SYNE1: variants seen among roughly 807,000 people sequenced by gnomAD.
SYNE1 encodes the protein nesprin-1.
SYNE1 carries 616 observed loss-of-function variants against 1,111.0 expected under a neutral mutation model. The ratio of observed to expected loss-of-function variants is 0.55; its 90% confidence interval spans 0.52 to 0.59. The LOEUF is 0.59. SYNE1 is among the 20% of genes least tolerant of loss of function. The probability of loss-of-function intolerance (pLI) is 0.00; values close to 1 mark genes in which losing one functional copy is unlikely to be tolerated. For missense variants in SYNE1, 10,006 were observed against 10,417.0 expected, an observed-to-expected ratio of 0.96 and a Z score of 1.72; for synonymous variants, 3,855 against 3,825.8, an observed-to-expected ratio of 1.01 and a Z score of -0.28.
At chr6:152,363,861 G>C (rs545962995) in intron 63 of SYNE1, 2 of 436,876 alleles carry the variant, frequency 4.6e-6, no homozygotes, top group East Asian at 1.5e-4. Context: ...TGGGATAACT[G>C]GGGCTCACAC....
At chr6:152,282,063 C>G in intron 96 of SYNE1, 83 bp from the exon 97 acceptor site, 1 of 1,433,336 alleles carries the variant, frequency 7.0e-7, no homozygotes, top group Non-Finnish European at 9.7e-7. Flanking sequence ...TGGTTCCAGG[C>G]CCTGGCTGTA....
At chr6:152,562,100 A>T (rs567426470) in intron 3 of SYNE1, among the ~76,000 whole-genome samples, 2 of 152,202 alleles carry the variant, frequency 1.3e-5, no homozygotes, top group Non-Finnish European at 2.9e-5. Context: ...CAGCAAAGGG[A>T]ACATCAACAG....
At chr6:152,471,540 C>T in intron 16 of SYNE1, 57 bp downstream of exon 16, 2 of 1,525,862 alleles carry the variant, frequency 1.3e-6, no homozygotes, top group Non-Finnish European at 1.8e-6. Flanking sequence ...AGAAACTGAA[C>T]TGTGTTGCTA....
At chr6:152,304,078 G>A (rs1287053963) in intron 91 of SYNE1, among the ~76,000 whole-genome samples, 1 of 152,218 alleles carries the variant, frequency 6.6e-6, no homozygotes, top group Admixed American at 6.5e-5. Context: ...TTAAAAAGTA[G>A]ACATCATTGC....
chr6:152,261,674 A>C (rs760507882), intron 101 of SYNE1, among the ~76,000 whole-genome samples: 1 of 152,214 alleles, frequency 6.6e-6, no homozygotes, highest in Non-Finnish European at 1.5e-5. Context: ...ATTTGTGGAA[A>C]TCCTTCTGTC....
At chr6:152,575,996 A>G (rs1477597086) in intron 3 of SYNE1, among the ~76,000 whole-genome samples, 1 of 152,266 alleles carries the variant, frequency 6.6e-6, no homozygotes, top group African/African-American at 2.4e-5. Flanking sequence ...CTGCCAAATA[A>G]GAACAAAGTG....
intron 72 of SYNE1, among the ~76,000 whole-genome samples, chr6:152,347,861 T>G (rs1025292390): frequency 6.6e-6 from 1 of 151,220 alleles, no homozygotes; most frequent in African/African-American, 2.4e-5. Flanking sequence ...TTTTTTTTTT[T>G]TGTATTTTTA....
In SYNE1 at chr6:152,505,280, T is replaced by A. The variant is rs539598413; in HGVS notation, c.699A>T (p.Arg233Ser). The A allele has an allele frequency of 1.9e-6, 3 of 1,614,074 alleles. No individual in the cohort carries two copies. In the African/African-American group the frequency reaches 4.0e-5, roughly 22 times the overall value. ...ELVDLETVKG[R>S]SNRENLEDAF... ...CATCCTCCAAATTTTCTCGGTTGGA[T>A]CTGCCTTTCACTGTCTCCAAGTCCA... Residue 233 changes from arginine (R) to serine (S), a missense_variant, in exon 9 of 146, where the codon AGA (arginine) becomes AGT (serine). Arg to Ser is a moderately radical substitution (Grantham distance 110, BLOSUM62 -1). Around this residue, in one of 7 missense-constraint regions of SYNE1, gnomAD observed 1,971 missense variants for 2,084.1 expected, o/e 0.95. Transcript: ENST00000367255.
At chr6:152,154,815 T>C (rs762237629) in intron 133 of SYNE1, 77 bp downstream of exon 133, 694 of 1,525,246 alleles carry the variant, frequency 4.6e-4, no homozygotes, top group Non-Finnish European at 6.0e-4. Flanking sequence ...ACAGCTAGTT[T>C]AGGTCTTGGA....
chr6:152,240,372 T>G (rs1014194278), intron 107 of SYNE1, among the ~76,000 whole-genome samples: 1 of 152,210 alleles, frequency 6.6e-6, no homozygotes, highest in African/African-American at 2.4e-5. Flanking sequence ...CTTTCTGAAC[T>G]TCTAGGATAT....
chr6:152,329,519 T>G (rs2096190106), intron 78 of SYNE1, among the ~76,000 whole-genome samples: 1 of 152,186 alleles, frequency 6.6e-6, no homozygotes, highest in African/African-American at 2.4e-5. Flanking sequence ...AGAGCGAGAC[T>G]TCGTCTCAAA....
rs147291286 is a variant in SYNE1 at position 152,616,450 on chromosome 6, C to A, written c.67+11815G>T. On this transcript the variant is annotated intron_variant, in intron 3 of 145. Coordinates refer to ENST00000367255, the MANE Select transcript of SYNE1 (RefSeq NM_182961.4). ...AATTAGCCAGGCATGGTGGCATATG[C>A]CTGTCATCCCAGCTACTTGGGAGGC... is the stretch of plus-strand genomic sequence containing the variant. Among the ~76,000 whole-genome samples, 6 of 152,244 alleles carry A rather than the reference C, an allele frequency of 3.9e-5. No individual in the cohort carries two copies. In the East Asian group the frequency reaches 1.2e-3, roughly 29 times the overall value.
rs548759128 is a variant in SYNE1, at chr6:152,500,273, C to T, written c.889-1481G>A. Among the ~76,000 whole-genome samples, 5 of 152,298 alleles carry T rather than the reference C, an allele frequency of 3.3e-5. No individual in the cohort carries two copies. In the South Asian group the frequency reaches 6.2e-4, roughly 19 times the overall value. On this transcript the variant is annotated intron_variant, in intron 10 of 145. Transcript: ENST00000367255. ...AATATTATCAAAACCCAGCAAGCCC[C>T]AGATGACTCCAAAATATTTGCATCA...
intron 42 of SYNE1, among the ~76,000 whole-genome samples, chr6:152,411,201 C>A (rs2098031533): frequency 1.3e-5 from 2 of 152,084 alleles, no homozygotes; most frequent in South Asian, 4.1e-4. Flanking sequence ...TTCTTTATAT[C>A]TTTGTCAAAA....
At chr6:152,345,831 C>T (rs1304380264) in intron 73 of SYNE1, among the ~76,000 whole-genome samples, 1 of 152,100 alleles carries the variant, frequency 6.6e-6, no homozygotes, top group South Asian at 2.1e-4. Context: ...CATTCTTACC[C>T]CTCTTACACT....
chr6:152,588,957 T>C (rs2128491665), intron 3 of SYNE1, among the ~76,000 whole-genome samples: 1 of 150,496 alleles, frequency 6.6e-6, no homozygotes, highest in Middle Eastern at 3.4e-3. Context: ...ATTCTTTTTC[T>C]CTTTTTTTTT....
intron 49 of SYNE1, among the ~76,000 whole-genome samples, chr6:152,397,725 G>A (rs574208203): frequency 6.7e-4 from 102 of 152,004 alleles, no homozygotes; most frequent in Non-Finnish European, 7.9e-4. Flanking sequence ...TATTTTGGCC[G>A]GGCATGGTGG....
intron 105 of SYNE1, among the ~76,000 whole-genome samples, chr6:152,247,054 A>T (rs770265898): frequency 5.3e-5 from 8 of 152,220 alleles, no homozygotes; most frequent in Non-Finnish European, 8.8e-5. Context: ...AGTAAAGAGA[A>T]AGACTTGGGA....
chr6:152,504,387 G>C lies in SYNE1; in HGVS notation c.778+814C>G, dbSNP rs75913441. ...GTCTATCCTCTTTGTTTTAGAGCTAGGGAAGTTCAGTCTGAAATTCCATCT... is the reference window on the plus strand; with the variant it reads ...GTCTATCCTCTTTGTTTTAGAGCTACGGAAGTTCAGTCTGAAATTCCATCT... On this transcript the variant is annotated intron_variant, in intron 9 of 145. Transcript: ENST00000367255. Among the ~76,000 whole-genome samples the C allele has an allele frequency of 4.1e-3, 619 of 152,192 alleles. 6 individuals carry two copies. Among genetic ancestry groups the C allele is most frequent in the African/African-American group, 0.014 (595 of 41,512 alleles).
Sources: allele counts gnomAD v4.1 joint callset (sites outside exome capture counted in the v4.1 genomes callset), GRCh38; gene constraint gnomAD v4.1.1; regional missense constraint gnomAD v4.1.1; transcripts MANE v1.5; gene names NCBI Gene and HGNC (gene_info 2026-07-23, HGNC 2026-07-21).